Variants in AMOTL1 observed in about 807,000 individuals in gnomAD.
AMOTL1 encodes the protein angiomotin like 1.
AMOTL1 carries 45 observed loss-of-function variants against 102.9 expected under a neutral mutation model. The ratio of observed to expected loss-of-function variants is 0.44; its 90% CI spans 0.34 to 0.56. The LOEUF is 0.56. Among genes scored for constraint, AMOTL1 ranks in the 20% least tolerant of loss-of-function variants. The pLI is 0.01. For missense variants in AMOTL1, 1,114 were observed against 1,225.6 expected, an observed-to-expected ratio of 0.91 and a Z score of 1.36; for synonymous variants, 481 against 484.7, an observed-to-expected ratio of 0.99 and a Z score of 0.10.
chr11:94,806,465 A>G (rs746848606), intron 3 of AMOTL1, among the ~76,000 whole-genome samples: 31 of 152,186 alleles, frequency 2.0e-4, no homozygotes, highest in Non-Finnish European at 3.5e-4. Flanking sequence ...TGGGATGAAA[A>G]GGTAAGCCAG....
At chr11:94,768,894 G>GCGCC (rs1415696598) in intron 1 of AMOTL1, among the ~76,000 whole-genome samples, 2 of 151,802 alleles carry the variant, frequency 1.3e-5, no homozygotes, top group Non-Finnish European at 2.9e-5. Flanking sequence ...ACTCCGAGGC[G>GCGCC]CGCCCGCGCC....
At chr11:94,744,899 A>T (rs1349463342) in intron 3 of AMOTL1, among the ~76,000 whole-genome samples, 1 of 152,226 alleles carries the variant, frequency 6.6e-6, no homozygotes, top group Non-Finnish European at 1.5e-5. Context: ...TGATATTAAA[A>T]TGTGAAAAGA....
intron 3 of AMOTL1, among the ~76,000 whole-genome samples, chr11:94,809,436 T>C (rs1193844000): frequency 6.6e-6 from 1 of 152,224 alleles, no homozygotes; most frequent in African/African-American, 2.4e-5. Flanking sequence ...TGACATGCAC[T>C]GACATCAGTC....
intron 3 of AMOTL1, among the ~76,000 whole-genome samples, chr11:94,811,179 A>C (rs1413136836): frequency 1.3e-5 from 2 of 152,102 alleles, no homozygotes; most frequent in East Asian, 3.9e-4. Flanking sequence ...TTGTTATGTA[A>C]ATAAAGCCCC....
intron 3 of AMOTL1, among the ~76,000 whole-genome samples, chr11:94,749,323 C>T (rs778753699): frequency 9.2e-5 from 14 of 152,014 alleles, no homozygotes; most frequent in Non-Finnish European, 1.2e-4. Flanking sequence ...CTTGAAGAGA[C>T]AGCAAGGATT....
intron 1 of AMOTL1, among the ~76,000 whole-genome samples, chr11:94,782,823 A>G (rs1328023559): frequency 1.3e-5 from 2 of 152,240 alleles, no homozygotes; most frequent in Non-Finnish European, 2.9e-5. Flanking sequence ...AGAAGCAGAT[A>G]TGAGAATCCA....
chr11:94,811,896 C>G (rs903071131), intron 3 of AMOTL1, among the ~76,000 whole-genome samples: 9 of 152,176 alleles, frequency 5.9e-5, no homozygotes, highest in Admixed American at 1.3e-4. Context: ...AGGAAAAAAA[C>G]TCTAACTTGC....
chr11:94,757,025 T>A (rs1475722224), intron 3 of AMOTL1, among the ~76,000 whole-genome samples: 3 of 151,678 alleles, frequency 2.0e-5, no homozygotes, highest in Admixed American at 6.6e-5. Context: ...TATTTTGGTA[T>A]CTTGAAATAT....
intron 1 of AMOTL1, among the ~76,000 whole-genome samples, chr11:94,716,120 T>A (rs541343972): frequency 6.6e-6 from 1 of 152,278 alleles, no homozygotes; most frequent in African/African-American, 2.4e-5. Flanking sequence ...TGTCTTATCA[T>A]CATCACTCTA....
intron 3 of AMOTL1, among the ~76,000 whole-genome samples, chr11:94,744,964 A>G (rs1446454444): frequency 2.6e-5 from 4 of 152,222 alleles, no homozygotes; most frequent in Non-Finnish European, 5.9e-5. Flanking sequence ...TCAATATTAT[A>G]AAGTTACTTT....
intron 1 of AMOTL1, among the ~76,000 whole-genome samples, chr11:94,786,855 C>G (rs1044126482): frequency 6.6e-6 from 1 of 152,170 alleles, no homozygotes; most frequent in African/African-American, 2.4e-5. Context: ...CTGAATATAT[C>G]TATTAAGCTA....
chr11:94,781,416 T>C (rs1220354497), intron 1 of AMOTL1, among the ~76,000 whole-genome samples: 4 of 152,242 alleles, frequency 2.6e-5, no homozygotes, highest in African/African-American at 9.6e-5. Flanking sequence ...ATTTTCATCT[T>C]AAAATTCTCC....
chr11:94,808,636 A>G (rs1951608512), intron 3 of AMOTL1, among the ~76,000 whole-genome samples: 1 of 152,160 alleles, frequency 6.6e-6, no homozygotes, highest in Non-Finnish European at 1.5e-5. Flanking sequence ...AGTTGCTCTG[A>G]TGCTCACTGA....
chr11:94,786,760 T>C (rs1474610012), intron 1 of AMOTL1, among the ~76,000 whole-genome samples: 1 of 152,190 alleles, frequency 6.6e-6, no homozygotes, highest in East Asian at 1.9e-4. Context: ...CTGAGTAGTT[T>C]GAAGGGCCTT....
Position 94,785,310 on chromosome 11 carries a change from A to G in AMOTL1, c.50-9701A>G, listed in dbSNP as rs79369436. Among the ~76,000 whole-genome samples, 818 of 152,340 alleles carry G rather than the reference A, an allele frequency of 5.4e-3. 12 individuals carry two copies. The highest frequency in any genetic ancestry group is 0.019 in the African/African-American group (770 of 41,580). On this transcript the variant is annotated intron_variant, in intron 1 of 12. Coordinates refer to ENST00000433060, the MANE Select transcript of AMOTL1 (RefSeq NM_130847.3). ...GGGTCTTTGGAGGGCAGAATGGTGT[A>G]GTCAAAAGAGCTTTTCTGTTGGAGG... is the stretch of plus-strand genomic sequence containing the variant.
At chr11:94,850,405 A>G in intron 7 of AMOTL1, 146 bp downstream of exon 7, 1 of 1,148,278 alleles carries the variant, frequency 8.7e-7, no homozygotes, top group East Asian at 2.6e-5. Flanking sequence ...CTTCTCAAAT[A>G]AAAGTGAATA....
chr11:94,776,699 C>G (rs949164), intron 1 of AMOTL1, among the ~76,000 whole-genome samples: 148,339 of 152,356 alleles, frequency 0.97, 72,327 homozygotes, highest in Middle Eastern at 1. Context: ...TATGACCCAG[C>G]AATGTGACCC....
chr11:94,782,911 T>C (rs1268232144), intron 1 of AMOTL1, among the ~76,000 whole-genome samples: 2 of 152,276 alleles, frequency 1.3e-5, no homozygotes, highest in Non-Finnish European at 2.9e-5. Flanking sequence ...AAAACTTTTT[T>C]TTCATAAAAA....
intron 6 of AMOTL1, among the ~76,000 whole-genome samples, chr11:94,845,862 G>C (rs1952400422): frequency 1.3e-5 from 2 of 152,202 alleles, no homozygotes; most frequent in Non-Finnish European, 2.9e-5. Context: ...TGAGTAAACA[G>C]ACCATTCTGG....
Sources: gnomAD v4.1 joint callset for allele counts (sites outside exome capture counted in the v4.1 genomes callset) on GRCh38, gnomAD v4.1.1 for gene constraint, MANE v1.5 for transcripts, NCBI Gene and HGNC (gene_info 2026-07-23, HGNC 2026-07-21) for gene names.